AR: variants seen among roughly 807,000 people sequenced by gnomAD.
AR encodes dihydrotestosterone receptor.
In AR, 8 loss-of-function variants were observed where a neutral mutation model predicts 53.9. That is an observed-to-expected ratio of 0.15 (90% CI 0.09 to 0.27). AR has a LOEUF of 0.27. AR is among the 10% of genes least tolerant of loss of function. The probability of loss-of-function intolerance (pLI) is 1.00; values close to 1 mark genes in which losing one functional copy is unlikely to be tolerated. For synonymous variants in AR, 359 were observed against 316.4 expected, an observed-to-expected ratio of 1.13 and a Z score of -1.43; for missense variants, 639 against 742.5, an observed-to-expected ratio of 0.86 and a Z score of 1.62.
intron 3 of AR, among the ~76,000 whole-genome samples, chrX:67,708,716 C>T (rs1432287982): frequency 1.8e-5 from 2 of 112,001 alleles, no homozygotes; most frequent in East Asian, 5.6e-4. Flanking sequence ...AAGAGGGGCT[C>T]TGATTTTTAG....
At chrX:67,716,525 A>G (rs1237694309) in intron 4 of AR, among the ~76,000 whole-genome samples, 1 of 111,813 alleles carries the variant, frequency 8.9e-6, no homozygotes, top group Non-Finnish European at 1.9e-5. Flanking sequence ...AGATCAGTCT[A>G]GGTAGGCAGG....
chrX:67,728,409 T>G lies in AR; in HGVS notation c.*4568T>G. The G allele has an allele frequency of 6.3e-6, 1 of 157,545 alleles. No homozygotes were observed. Among genetic ancestry groups the G allele is most frequent in the Non-Finnish European group, 1.2e-5 (1 of 81,543 alleles). 13.0% of individuals were successfully genotyped at this position (157,545 alleles called of 1,213,427 possible). A position where few individuals can be genotyped will look rare whatever the true frequency, so the allele number is the denominator to read the frequency against. On this transcript the variant is annotated 3_prime_UTR_variant, in exon 8 of 8. Coordinates refer to ENST00000374690, the MANE Select transcript of AR (RefSeq NM_000044.6). ...AGCTTATCTGAAGATGTGAAACCCTTGCTGATAAGGGAGCATTTAAAGTAC... is the reference window on the plus strand; with the variant it reads ...AGCTTATCTGAAGATGTGAAACCCTGGCTGATAAGGGAGCATTTAAAGTAC...
chrX:67,636,756 G>T (rs1925454630), intron 1 of AR, among the ~76,000 whole-genome samples: 1 of 111,459 alleles, frequency 9.0e-6, no homozygotes, highest in Non-Finnish European at 1.9e-5. Flanking sequence ...ACTAGGTCAG[G>T]ATCAGTGGGA....
At chrX:67,688,049 T>C (rs2075976446) in intron 3 of AR, among the ~76,000 whole-genome samples, 2 of 112,154 alleles carry the variant, frequency 1.8e-5, no homozygotes, top group African/African-American at 3.2e-5. Flanking sequence ...TTCAAATTGA[T>C]TCATTGGTAT....
chrX:67,683,875 GA>G lies in AR; in HGVS notation c.1769-2121del, dbSNP rs201630209. Among the ~76,000 whole-genome samples, 567 of 94,809 alleles carry G rather than the reference GA, an allele frequency of 6.0e-3. 1 individual carries two copies. Among genetic ancestry groups the G allele is most frequent in the African/African-American group, 0.017 (446 of 26,296 alleles). 82.3% of individuals were successfully genotyped at this position (94,809 alleles called of 115,157 possible). ...AAGGAAATTATCCGAGTTCCAAATTGAAAAAAAAAAAAAATCATGCTTTTCC... is the reference window on the plus strand; with the variant it reads ...AAGGAAATTATCCGAGTTCCAAATTGAAAAAAAAAAAAATCATGCTTTTCC... On this transcript the variant is annotated intron_variant, in intron 2 of 7. Coordinates refer to ENST00000374690, the MANE Select transcript of AR (RefSeq NM_000044.6).
intron 2 of AR, among the ~76,000 whole-genome samples, chrX:67,667,649 G>A (rs750151746): frequency 9.0e-6 from 1 of 111,445 alleles, no homozygotes; most frequent in South Asian, 3.7e-4. Flanking sequence ...GATAGCTTCA[G>A]GTAGTGTGGA....
At chrX:67,716,212 C>T (rs977716983) in intron 4 of AR, among the ~76,000 whole-genome samples, 2 of 112,159 alleles carry the variant, frequency 1.8e-5, no homozygotes, top group African/African-American at 6.5e-5. Flanking sequence ...CTTCAAGAAG[C>T]TCCAAGTCTT....
chrX:67,634,055 A>G (rs1925305723), intron 1 of AR, among the ~76,000 whole-genome samples: 1 of 111,415 alleles, frequency 9.0e-6, no homozygotes, highest in African/African-American at 3.3e-5. Flanking sequence ...TAAGCCCATT[A>G]AAAACAACCT....
At chrX:67,697,263 C>T (rs1468198855) in intron 3 of AR, among the ~76,000 whole-genome samples, 1 of 111,538 alleles carries the variant, frequency 9.0e-6, no homozygotes, top group African/African-American at 3.3e-5. Context: ...CCTTGTGAAA[C>T]TCTATATGTT....
At position 67,727,269 on chromosome X, in the gene AR, G is replaced by GA. The variant is rs1321539988; in HGVS notation, c.*3434dup. 1 of 166,311 alleles carries GA rather than the reference G, an allele frequency of 6.0e-6. No individual in the cohort carries two copies. The highest frequency in any genetic ancestry group is 1.2e-5 in the Non-Finnish European group (1 of 86,499). The allele number at this position is 166,311 out of a possible 1,213,427, so 13.7% of individuals were successfully genotyped here. On this transcript the variant is annotated 3_prime_UTR_variant, in exon 8 of 8. Transcript: ENST00000374690. ...TTTTGAAGGACTGTCATATATCTTT[G>GA]AAAAAAGAAAATCTGTAATACATAT...
intron 1 of AR, among the ~76,000 whole-genome samples, chrX:67,630,782 C>T (rs370218335): frequency 5.9e-4 from 65 of 110,490 alleles, no homozygotes; most frequent in African/African-American, 2.0e-3. Flanking sequence ...TGGTACCGGT[C>T]GTTCCTTTCC....
At chrX:67,580,924 T>C (rs1922267921) in intron 1 of AR, among the ~76,000 whole-genome samples, 1 of 111,966 alleles carries the variant, frequency 8.9e-6, no homozygotes, top group Admixed American at 9.5e-5. Flanking sequence ...TAAATATTTG[T>C]TGAATGAATA....
At chrX:67,701,441 T>C (rs2076041704) in intron 3 of AR, among the ~76,000 whole-genome samples, 1 of 111,581 alleles carries the variant, frequency 9.0e-6, no homozygotes, top group Non-Finnish European at 1.9e-5. Flanking sequence ...CCTTGCCCTC[T>C]CTGGCTTCAG....
intron 1 of AR, among the ~76,000 whole-genome samples, chrX:67,592,531 C>T (rs1922879837): frequency 9.1e-6 from 1 of 110,178 alleles, no homozygotes; most frequent in Admixed American, 9.7e-5. Flanking sequence ...GGAAGATGTG[C>T]CTCTCTTCAT....
intron 2 of AR, among the ~76,000 whole-genome samples, chrX:67,667,566 A>G (rs1368323138): frequency 9.0e-6 from 1 of 111,118 alleles, no homozygotes; most frequent in Non-Finnish European, 1.9e-5. Flanking sequence ...TTCTATATAA[A>G]TTTTAGGATT....
intron 3 of AR, among the ~76,000 whole-genome samples, chrX:67,693,284 A>G (rs751878169): frequency 8.9e-6 from 1 of 112,276 alleles, no homozygotes; most frequent in South Asian, 3.7e-4. Context: ...AAAATCCCTC[A>G]GTTGCTCTTG....
chrX:67,560,822 A>C (rs997432152), intron 1 of AR, among the ~76,000 whole-genome samples: 1 of 111,478 alleles, frequency 9.0e-6, no homozygotes, highest in Non-Finnish European at 1.9e-5. Context: ...TTCTTCTATG[A>C]CAGCCCCCTA....
At chrX:67,714,022 C>T (rs1238485079) in intron 4 of AR, among the ~76,000 whole-genome samples, 2 of 112,160 alleles carry the variant, frequency 1.8e-5, no homozygotes, top group Non-Finnish European at 3.8e-5. Context: ...TGCTAGGCCC[C>T]TAATAAGATA....
chrX:67,550,452 C>T (rs1005948051), intron 1 of AR, among the ~76,000 whole-genome samples: 1 of 110,436 alleles, frequency 9.1e-6, no homozygotes, highest in Non-Finnish European at 1.9e-5. Flanking sequence ...TGCACTGCGG[C>T]TTGTACACGT....
Sources: allele counts gnomAD v4.1 joint callset (sites outside exome capture counted in the v4.1 genomes callset), GRCh38; gene constraint gnomAD v4.1.1; transcripts MANE v1.5; gene names NCBI Gene and HGNC (gene_info 2026-07-23, HGNC 2026-07-21).